NOD2: variants seen among roughly 807,000 people sequenced by gnomAD.
NOD2 encodes nucleotide binding oligomerization domain containing 2, also known as nucleotide-binding oligomerization domain-containing protein 2.
NOD2 carries 86 observed loss-of-function variants against 90.9 expected under a neutral mutation model. The observed-to-expected ratio is 0.95, with a 90% confidence interval of 0.79 to 1.13. The LOEUF is 1.13. NOD2 is among the 50% of genes most tolerant of loss of function. The pLI, the probability that NOD2 is intolerant of heterozygous loss-of-function variation, is 0.00. For synonymous variants in NOD2, 581 were observed against 554.6 expected (o/e 1.05, Z -0.67); for missense variants, 1,238 against 1,283.8 (o/e 0.96, Z 0.55).
intron 3 of NOD2, among the ~76,000 whole-genome samples, 183 bp downstream of exon 3, chr16:50,708,143 A>G (rs528712705): frequency 1.3e-5 from 2 of 152,334 alleles, no homozygotes; most frequent in South Asian, 4.2e-4. Flanking sequence ...CATTAAAAGG[A>G]CAAAAGCGTG....
At position 50,707,233 on chromosome 16, in the gene NOD2, G is replaced by C. The variant is rs141173109; in HGVS notation, c.460-622G>C. On this transcript the variant is annotated intron_variant, in intron 2 of 11. Transcript: ENST00000647318. ...TTGAAGGTGGAGTCAACAGGATTTG[G>C]CAGATTACAGACGAGAGGCTTCAAG... 9.6e-3 allele frequency among the ~76,000 whole-genome samples: 1,455 copies of C among 152,276 alleles called. 26 individuals carry two copies. Among genetic ancestry groups the C allele is most frequent in the African/African-American group, 0.033 (1,391 of 41,556 alleles).
intron 2 of NOD2, among the ~76,000 whole-genome samples, chr16:50,702,688 G>T (rs997685870): frequency 6.6e-6 from 1 of 152,194 alleles, no homozygotes; most frequent in Admixed American, 6.5e-5. Flanking sequence ...CCTACTGTGT[G>T]CCAGACACTG....
chr16:50,716,294 A>G (rs1038001772), intron 4 of NOD2, among the ~76,000 whole-genome samples: 1 of 152,174 alleles, frequency 6.6e-6, no homozygotes, highest in Admixed American at 6.5e-5. Context: ...CCTTTTGCAG[A>G]GATGGAAACA....
At chr16:50,719,639 C>G (rs73575762) in intron 6 of NOD2, 13 of 559,686 alleles carry the variant, frequency 2.3e-5, no homozygotes, top group South Asian at 1.8e-4. Context: ...CTCGCTGTCC[C>G]GGGGAAACCA....
At position 50,711,933 on chromosome 16, in the gene NOD2, A is replaced by C. The variant is rs1964539571; in HGVS notation, c.1941A>C (p.Thr647=). 1.9e-6 allele frequency: 3 copies of C among 1,611,958 alleles called. No individual in the cohort carries two copies. The highest frequency in any genetic ancestry group is 2.5e-6 in the Non-Finnish European group (3 of 1,178,716). The change falls in exon 4 of 12, where the codon ACA becomes ACC. Residue 647 remains threonine (T), a synonymous_variant. Transcript: ENST00000647318. ...CCGAGCCGCACAACCTTCAGATCAC[A>C]GCAGCCTTCCTGGCAGGGCTGTTGT... ...QKAEPHNLQI[T]AAFLAGLLSR... is the part of the protein sequence containing the mutation.
At position 50,699,489 on chromosome 16, in the gene NOD2, T is replaced by C. The variant is rs371044393; in HGVS notation, c.-7T>C. The C allele has an allele frequency of 1.7e-5, 28 of 1,612,496 alleles. No individual in the cohort carries two copies. In the African/African-American group the frequency reaches 3.5e-4, roughly 20 times the overall value. Reference sequence around the variant, plus strand: ...CACTGACCTTGTTCTCCTCCCCAGGTTGTGAAATGTGCTCGCAGGAGGCTT... The same window carrying C: ...CACTGACCTTGTTCTCCTCCCCAGGCTGTGAAATGTGCTCGCAGGAGGCTT... On this transcript the variant is annotated splice_region_variant and 5_prime_UTR_variant, in exon 2 of 12. Coordinates refer to ENST00000647318, the MANE Select transcript of NOD2 (RefSeq NM_001370466.1).
At chr16:50,717,810 C>G (rs114555387) in intron 6 of NOD2, among the ~76,000 whole-genome samples, 1 of 152,196 alleles carries the variant, frequency 6.6e-6, no homozygotes, top group African/African-American at 2.4e-5. Flanking sequence ...CTGGCTGGCC[C>G]ATCCCTGAGA....
intron 1 of NOD2, among the ~76,000 whole-genome samples, chr16:50,694,246 C>T (rs1963541220): frequency 6.6e-6 from 1 of 152,168 alleles, no homozygotes; most frequent in African/African-American, 2.4e-5. Flanking sequence ...GGCTGGACCC[C>T]TGCTTCTGAG....
chr16:50,719,775 A>G (rs1436848284), intron 6 of NOD2, 150 bp from the exon 7 acceptor site: 1 of 768,858 alleles, frequency 1.3e-6, no homozygotes, highest in East Asian at 2.5e-5. Flanking sequence ...TGAGTAAACT[A>G]GACCTAGCAG....
At position 50,714,687 on chromosome 16, in the gene NOD2, G is replaced by A. The variant is rs975944848; in HGVS notation, c.2382-1900G>A. ...TTGAGAAAGAGAGGAAGGGAGGAAG[G>A]GGGAGGGCACAGGCTCCTCTCCCAC... On this transcript the variant is annotated intron_variant, in intron 4 of 11. Transcript: ENST00000647318. Among the ~76,000 whole-genome samples, 5 of 151,600 alleles carry A rather than the reference G, an allele frequency of 3.3e-5. No individual in the cohort carries two copies. In the South Asian group the frequency reaches 1.0e-3, roughly 32 times the overall value.
intron 6 of NOD2, among the ~76,000 whole-genome samples, chr16:50,717,781 G>T (rs1193097101): frequency 1.3e-5 from 2 of 152,328 alleles, no homozygotes; most frequent in African/African-American, 4.8e-5. Context: ...CACAAGCCTG[G>T]AATAGGCTGT....
intron 6 of NOD2, chr16:50,719,625 C>T (rs1964951716): frequency 1.9e-6 from 1 of 514,250 alleles, no homozygotes. Context: ...GACCCTGAGT[C>T]ACCCTCGCTG....
intron 4 of NOD2, among the ~76,000 whole-genome samples, chr16:50,715,458 C>T (rs1381323262): frequency 6.6e-6 from 1 of 151,788 alleles, no homozygotes. Context: ...TTCTGTTGCC[C>T]AGGCAGGGGG....
At position 50,732,168 on chromosome 16, in the gene NOD2, C is replaced by A. The variant is rs1965479984; in HGVS notation, c.*349C>A. ...TGGGGCCCATGGATGTGCTTGTTAA[C>A]TGAGTGCCTTTTGGTGGAGAGGCCC... On this transcript the variant is annotated 3_prime_UTR_variant, in exon 12 of 12. Transcript: ENST00000647318. 2.5e-6 allele frequency: 1 copy of A among 397,356 alleles called. No individual in the cohort carries two copies. Among genetic ancestry groups the A allele is most frequent in the African/African-American group, 2.1e-5 (1 of 48,410 alleles). The allele number at this position is 397,356 out of a possible 1,614,324, so 24.6% of individuals were successfully genotyped here.
chr16:50,697,424 T>C (rs1300113610), intron 1 of NOD2: 55 of 1,071,098 alleles, frequency 5.1e-5, no homozygotes, highest in Non-Finnish European at 7.2e-5. Context: ...GCTGACTCTG[T>C]TTCTGGGCTG....
At chr16:50,704,919 G>A (rs11649521) in intron 2 of NOD2, among the ~76,000 whole-genome samples, 29,628 of 152,204 alleles carry the variant, frequency 0.19, 3,725 homozygotes, top group Non-Finnish European at 0.29. Flanking sequence ...CTTCCATTAT[G>A]TTAGTCACCC....
intron 2 of NOD2, among the ~76,000 whole-genome samples, chr16:50,705,393 T>C (rs1172888369): frequency 6.6e-6 from 1 of 152,240 alleles, no homozygotes; most frequent in African/African-American, 2.4e-5. Context: ...AGATGCTTTC[T>C]CTGGGCTCAT....
At chr16:50,701,204 T>C (rs1963924510) in intron 2 of NOD2, among the ~76,000 whole-genome samples, 1 of 152,224 alleles carries the variant, frequency 6.6e-6, no homozygotes, top group Non-Finnish European at 1.5e-5. Flanking sequence ...TTCATACATA[T>C]TTGCTTAAAG....
chr16:50,701,750 G>A (rs908282491), intron 2 of NOD2, among the ~76,000 whole-genome samples: 1 of 152,160 alleles, frequency 6.6e-6, no homozygotes, highest in African/African-American at 2.4e-5. Flanking sequence ...ATGGATTGGT[G>A]AAGAAAAGAA....
Sources: allele counts gnomAD v4.1 joint callset (sites outside exome capture counted in the v4.1 genomes callset), GRCh38; gene constraint gnomAD v4.1.1; transcripts MANE v1.5; gene names NCBI Gene and HGNC (gene_info 2026-07-23, HGNC 2026-07-21).